The following PMFBP1 variants were observed in gnomAD, a reference collection of about 807,000 sequenced individuals.
PMFBP1 encodes the protein polyamine-modulated factor 1-binding protein 1.
A neutral mutation model predicts 137.8 loss-of-function variants in PMFBP1; 131 were observed. The observed-to-expected ratio is 0.95, with a 90% CI of 0.82 to 1.10. The LOEUF is 1.10. PMFBP1 is among the 50% of genes least tolerant of loss of function. The pLI, the probability that PMFBP1 is intolerant of heterozygous loss-of-function variation, is 0.00. For synonymous variants in PMFBP1, 490 were observed against 450.4 expected (o/e 1.09, Z -1.11); for missense variants, 1,199 against 1,175.4 (o/e 1.02, Z -0.29).
chr16:72,139,548 G>C (rs187308775), intron 6 of PMFBP1, 149 bp from the exon 7 acceptor site: 2 of 686,758 alleles, frequency 2.9e-6, no homozygotes, highest in East Asian at 5.4e-5. Context: ...TAGGTAGGGA[G>C]AAGGAATTAA....
chr16:72,241,573 A>C, the PMFBP1 span, among the ~76,000 whole-genome samples: 1 of 152,192 alleles, frequency 6.6e-6, no homozygotes, highest in Non-Finnish European at 1.5e-5. Context: ...GAGGGTTTCC[A>C]GTATCTCCCT....
chr16:72,154,207 A>G lies in PMFBP1; in HGVS notation c.414+4T>C, dbSNP rs762345455. 3 of 1,613,954 alleles carry G rather than the reference A, an allele frequency of 1.9e-6. No individual in the cohort carries two copies. Among genetic ancestry groups the G allele is most frequent in the Non-Finnish European group, 1.7e-6 (2 of 1,179,978 alleles). On this transcript the variant is annotated splice_donor_region_variant and intron_variant, in intron 4 of 20. Coordinates refer to ENST00000237353, the MANE Select transcript of PMFBP1 (RefSeq NM_031293.3). ...GGTTATTTCCATGGTTAATCTGTCT[A>G]TACCTCATCTTCTTTCAGTTTGCAG...
the PMFBP1 span, among the ~76,000 whole-genome samples, chr16:72,249,105 G>A: frequency 6.6e-6 from 1 of 152,022 alleles, no homozygotes; most frequent in Non-Finnish European, 1.5e-5. Context: ...AAGATCAAGA[G>A]AAGTTTCATC....
the PMFBP1 span, among the ~76,000 whole-genome samples, chr16:72,198,496 G>T: frequency 6.6e-6 from 1 of 151,914 alleles, no homozygotes; most frequent in African/African-American, 2.4e-5. Context: ...GCTGGATCCC[G>T]CACATCCCCC....
the PMFBP1 span, among the ~76,000 whole-genome samples, chr16:72,191,589 G>C: frequency 6.6e-6 from 1 of 152,330 alleles, no homozygotes; most frequent in East Asian, 1.9e-4. Context: ...CAGAATTGGG[G>C]ATCTATTTTT....
chr16:72,144,302 A>G (rs1341951713), intron 5 of PMFBP1, among the ~76,000 whole-genome samples: 1 of 152,166 alleles, frequency 6.6e-6, no homozygotes, highest in Admixed American at 6.5e-5. Context: ...TAAGAAAAGA[A>G]ATAAAAAAAT....
At chr16:72,171,799 G>C (rs1449817967) in intron 1 of PMFBP1, 1 of 152,206 alleles carries the variant, frequency 6.6e-6, no homozygotes. Flanking sequence ...CTATTCATAT[G>C]AAATATCTGA....
chr16:72,213,955 A>G, the PMFBP1 span, among the ~76,000 whole-genome samples: 209 of 152,344 alleles, frequency 1.4e-3, 2 homozygotes, highest in African/African-American at 4.9e-3. Flanking sequence ...AATATTGAAT[A>G]TATAACTGAA....
the PMFBP1 span, among the ~76,000 whole-genome samples, chr16:72,222,724 T>C: frequency 2.0e-5 from 3 of 152,212 alleles, no homozygotes; most frequent in African/African-American, 4.8e-5. Context: ...AAAATGGGGA[T>C]AGTATTAGTA....
At chr16:72,133,644 C>T (rs1030301183) in intron 9 of PMFBP1, among the ~76,000 whole-genome samples, 6 of 152,122 alleles carry the variant, frequency 3.9e-5, no homozygotes, top group Non-Finnish European at 7.4e-5. Flanking sequence ...CAGGTGTGAG[C>T]AGGGCAGGAG....
chr16:72,124,577 A>G (rs1025947397), intron 17 of PMFBP1, among the ~76,000 whole-genome samples, 190 bp downstream of exon 17: 1 of 152,190 alleles, frequency 6.6e-6, no homozygotes, highest in African/African-American at 2.4e-5. Context: ...GTATCTATCA[A>G]CAAAGCCACA....
chr16:72,158,568 G>C (rs2043015724), intron 3 of PMFBP1, among the ~76,000 whole-genome samples: 2 of 152,092 alleles, frequency 1.3e-5, no homozygotes, highest in African/African-American at 4.8e-5. Context: ...TAGTAAGTTA[G>C]GAGGGTGGGG....
the PMFBP1 span, among the ~76,000 whole-genome samples, chr16:72,203,507 G>C: frequency 6.6e-6 from 1 of 152,234 alleles, no homozygotes; most frequent in Admixed American, 6.5e-5. Context: ...CTGCCAGTCA[G>C]ACGTGCCCAG....
intron 10 of PMFBP1, among the ~76,000 whole-genome samples, chr16:72,131,639 G>C (rs562817701): frequency 2.8e-4 from 43 of 152,220 alleles, no homozygotes; most frequent in African/African-American, 8.7e-4. Context: ...GATGACTACA[G>C]TCAGAGCAGG....
At chr16:72,232,860 A>G in the PMFBP1 span, among the ~76,000 whole-genome samples, 1 of 152,106 alleles carries the variant, frequency 6.6e-6, no homozygotes, top group Non-Finnish European at 1.5e-5. Flanking sequence ...ATGCAAAGTT[A>G]ATAAAACACT....
chr16:72,196,918 G>C, the PMFBP1 span, among the ~76,000 whole-genome samples: 1 of 152,236 alleles, frequency 6.6e-6, no homozygotes, highest in South Asian at 2.1e-4. Context: ...TCCAAGTGCA[G>C]TGTGACTTAC....
chr16:72,165,783 G>T (rs756407692), intron 2 of PMFBP1, among the ~76,000 whole-genome samples: 2 of 152,132 alleles, frequency 1.3e-5, no homozygotes, highest in Non-Finnish European at 2.9e-5. Context: ...GGCTGGTGGC[G>T]TAAGATTTCT....
chr16:72,165,854 G>C (rs2043137900), intron 2 of PMFBP1, among the ~76,000 whole-genome samples: 1 of 152,198 alleles, frequency 6.6e-6, no homozygotes, highest in African/African-American at 2.4e-5. Context: ...GGAAAGTAGT[G>C]ACTGAGATAT....
chr16:72,213,179 C>G, the PMFBP1 span, among the ~76,000 whole-genome samples: 1 of 139,438 alleles, frequency 7.2e-6, no homozygotes, highest in South Asian at 2.3e-4. Context: ...TTAACTGGTC[C>G]AGATTACAGC....
Sources: allele counts gnomAD v4.1 joint callset (sites outside exome capture counted in the v4.1 genomes callset), GRCh38; gene constraint gnomAD v4.1.1; transcripts MANE v1.5; gene names NCBI Gene and HGNC (gene_info 2026-07-23, HGNC 2026-07-21).